Variants in PALM2AKAP2 observed in about 807,000 individuals in gnomAD.
PALM2AKAP2 encodes PALM2-AKAP2 fusion protein.
PALM2AKAP2 carries 37 observed loss-of-function variants against 71.5 expected under a neutral mutation model. The observed-to-expected ratio is 0.52, with a 90% confidence interval of 0.40 to 0.68. The LOEUF (loss-of-function observed/expected upper bound fraction) is 0.68, where lower values mean the gene tolerates loss of function less well. Among genes scored for constraint, PALM2AKAP2 ranks in the 30% least tolerant of loss-of-function variants. PALM2AKAP2 has a pLI of 0.00. For missense variants in PALM2AKAP2, 1,224 were observed against 1,191.8 expected (o/e 1.03, Z -0.40); for synonymous variants, 468 against 478.8 (o/e 0.98, Z 0.29).
At chr9:109,873,145 G>A (rs915161655) in intron 2 of PALM2AKAP2, among the ~76,000 whole-genome samples, 4 of 152,182 alleles carry the variant, frequency 2.6e-5, no homozygotes, top group Non-Finnish European at 4.4e-5. Flanking sequence ...GCCTCATGCT[G>A]AGTTTAACCC....
At chr9:109,867,164 C>CTCTGTGTGTGTGTGTG (rs879237135) in intron 1 of PALM2AKAP2, 83 of 399,872 alleles carry the variant, frequency 2.1e-4, no homozygotes, top group Non-Finnish European at 3.5e-4. Flanking sequence ...ACATGGTTCT[C>CTCTGTGTGTGTGTGTG]TGTGTGTGTG....
intron 3 of PALM2AKAP2, among the ~76,000 whole-genome samples, chr9:109,913,010 T>A (rs1830607338): frequency 6.6e-6 from 1 of 152,236 alleles, no homozygotes; most frequent in Admixed American, 6.5e-5. Flanking sequence ...GACCAATAGT[T>A]TCACCAAATC....
exon 4 of PALM2AKAP2, chr9:110,168,562 T>C: frequency 1.3e-6 from 2 of 1,568,526 alleles, no homozygotes; most frequent in Non-Finnish European, 1.7e-6. Context: ...AATTAACAAC[T>C]GAAAGCATTT....
In PALM2AKAP2 at chr9:109,686,444, C is replaced by T. The variant is rs146195275; in HGVS notation, c.5+45578C>T. Among the ~76,000 whole-genome samples the T allele has an allele frequency of 1.2e-3, 180 of 152,274 alleles. 1 individual carries two copies. The highest frequency in any genetic ancestry group is 4.1e-3 in the African/African-American group (169 of 41,546). The stretch of plus-strand genomic sequence containing the variant: ...GCAGGCATGAAAACAACATCAATCT[C>T]CTTGTACATCTCCATCAAAGTCTTG... On this transcript the variant is annotated intron_variant, in intron 1 of 6. Coordinates refer to the PALM2AKAP2 transcript ENST00000374531.
chr9:109,922,148 G>A (rs978158139), intron 3 of PALM2AKAP2, among the ~76,000 whole-genome samples: 6 of 152,014 alleles, frequency 3.9e-5, no homozygotes, highest in African/African-American at 9.7e-5. Context: ...GGCCAGGCAC[G>A]GTGGCTCACG....
chr9:109,956,107 C>T (rs1328634538), intron 6 of PALM2AKAP2, among the ~76,000 whole-genome samples: 3 of 151,354 alleles, frequency 2.0e-5, no homozygotes, highest in African/African-American at 7.3e-5. Context: ...CAGGTTCAAG[C>T]GATTCTCTTG....
intron 1 of PALM2AKAP2, among the ~76,000 whole-genome samples, chr9:109,768,036 A>AGGCAGGTAGATAGG (rs879480476): frequency 6.2e-5 from 7 of 112,592 alleles, no homozygotes; most frequent in African/African-American, 3.1e-4. Context: ...AAGGAAAGAA[A>AGGCAGGTAGATAGG]AAGAGGGAAG....
At chr9:109,887,902 A>C (rs1290536978) in intron 3 of PALM2AKAP2, among the ~76,000 whole-genome samples, 5 of 152,146 alleles carry the variant, frequency 3.3e-5, no homozygotes, top group Non-Finnish European at 7.3e-5. Context: ...AGGAGGAGGG[A>C]CAGGTAATGT....
chr9:109,746,232 C>A (rs1331549063), intron 1 of PALM2AKAP2, among the ~76,000 whole-genome samples: 1 of 152,214 alleles, frequency 6.6e-6, no homozygotes, highest in Non-Finnish European at 1.5e-5. Flanking sequence ...CCAGGATGTC[C>A]TATCTGACTT....
chr9:109,874,459 C>T (rs1829675120), intron 2 of PALM2AKAP2, among the ~76,000 whole-genome samples: 1 of 152,176 alleles, frequency 6.6e-6, no homozygotes, highest in South Asian at 2.1e-4. Flanking sequence ...TAGCACCTAC[C>T]TCATGGGATG....
At chr9:110,083,122 C>T (rs907070419) in intron 1 of PALM2AKAP2, among the ~76,000 whole-genome samples, 3 of 152,104 alleles carry the variant, frequency 2.0e-5, no homozygotes, top group African/African-American at 7.2e-5. Flanking sequence ...GCCTGGGCAA[C>T]AAGAGTGAAA....
intron 1 of PALM2AKAP2, among the ~76,000 whole-genome samples, chr9:109,843,956 C>T (rs1295051709): frequency 6.6e-6 from 1 of 152,222 alleles, no homozygotes; most frequent in Non-Finnish European, 1.5e-5. Context: ...CAGTTCCTGA[C>T]CTCCGCAACC....
At chr9:110,012,242 G>A (rs578058696) in intron 6 of PALM2AKAP2, among the ~76,000 whole-genome samples, 4 of 152,156 alleles carry the variant, frequency 2.6e-5, no homozygotes, top group South Asian at 2.1e-4. Flanking sequence ...TCAGTGAGCC[G>A]AGATAGTGCC....
At chr9:109,709,159 A>G (rs530701541) in intron 1 of PALM2AKAP2, among the ~76,000 whole-genome samples, 4 of 152,312 alleles carry the variant, frequency 2.6e-5, no homozygotes, top group Admixed American at 2.6e-4. Flanking sequence ...GGAGAGATTG[A>G]AGAGACCACA....
chr9:109,697,062 T>C (rs1015211240), intron 1 of PALM2AKAP2, among the ~76,000 whole-genome samples: 4 of 152,082 alleles, frequency 2.6e-5, no homozygotes, highest in African/African-American at 9.7e-5. Flanking sequence ...TCTCGATAAA[T>C]CGCTGGCATG....
chr9:109,997,401 C>T (rs982354662), intron 6 of PALM2AKAP2, among the ~76,000 whole-genome samples: 2 of 152,220 alleles, frequency 1.3e-5, no homozygotes, highest in East Asian at 3.9e-4. Context: ...TGGATAGTCT[C>T]GCTGTCATTA....
chr9:109,859,010 C>G (rs764831185), intron 1 of PALM2AKAP2, among the ~76,000 whole-genome samples: 3 of 152,184 alleles, frequency 2.0e-5, no homozygotes, highest in Non-Finnish European at 2.9e-5. Context: ...AATGGAAACT[C>G]TGCTGTGTTG....
At chr9:109,975,265 C>G (rs1464371290) in intron 6 of PALM2AKAP2, among the ~76,000 whole-genome samples, 3 of 152,196 alleles carry the variant, frequency 2.0e-5, no homozygotes, top group Non-Finnish European at 1.5e-5. Flanking sequence ...CCCAGAAGGC[C>G]AGAAACCAGG....
At chr9:109,775,243 A>G (rs1829332630), upstream of PALM2AKAP2, among the ~76,000 whole-genome samples, 1 of 152,244 alleles carries the variant, frequency 6.6e-6, no homozygotes. Context: ...AAAGGAAGTC[A>G]TCACAGTGAA....
Sources: gnomAD v4.1 joint callset for allele counts (sites outside exome capture counted in the v4.1 genomes callset) on GRCh38, gnomAD v4.1.1 for gene constraint, MANE v1.5 for transcripts, NCBI Gene and HGNC (gene_info 2026-07-23, HGNC 2026-07-21) for gene names.